OPCML: variants seen among roughly 807,000 people sequenced by gnomAD.
OPCML encodes opioid binding protein/cell adhesion molecule like, also known as opioid-binding protein/cell adhesion molecule.
Under a neutral mutation model 37.8 loss-of-function variants are expected in OPCML, and 13 were observed. The ratio of observed to expected loss-of-function variants is 0.34; its 90% CI spans 0.22 to 0.55. The LOEUF (loss-of-function observed/expected upper bound fraction) is 0.55. Among genes scored for constraint, OPCML ranks in the 20% least tolerant of loss-of-function variants. OPCML has a pLI of 0.91. For synonymous variants in OPCML, 176 were observed against 168.8 expected, an observed-to-expected ratio of 1.04 and a Z score of -0.33; for missense variants, 341 against 435.6, an observed-to-expected ratio of 0.78 and a Z score of 1.93.
chr11:133,431,194 A>G (rs955332797), intron 1 of OPCML, among the ~76,000 whole-genome samples: 1 of 152,224 alleles, frequency 6.6e-6, no homozygotes, highest in African/African-American at 2.4e-5. Context: ...ATATAATTAA[A>G]TGTTATTTAT....
At chr11:132,510,714 G>C (rs186924594) in intron 4 of OPCML, among the ~76,000 whole-genome samples, 3 of 152,266 alleles carry the variant, frequency 2.0e-5, no homozygotes. Flanking sequence ...ATGTGGAACT[G>C]TTAAGTCCAA....
chr11:133,166,528 T>A (rs1182206118), intron 1 of OPCML, among the ~76,000 whole-genome samples: 1 of 152,176 alleles, frequency 6.6e-6, no homozygotes, highest in African/African-American at 2.4e-5. Flanking sequence ...TTGGCATATG[T>A]TATGGGAACA....
chr11:132,861,831 T>C (rs1306523819), intron 2 of OPCML, among the ~76,000 whole-genome samples: 1 of 143,474 alleles, frequency 7.0e-6, no homozygotes, highest in Non-Finnish European at 1.5e-5. Context: ...TGAGACTCCA[T>C]CTCAAATAAA....
chr11:133,420,489 T>C, intron 1 of OPCML: 23 of 985,112 alleles, frequency 2.3e-5, no homozygotes, highest in Non-Finnish European at 2.8e-5. Flanking sequence ...TTAGGACTTT[T>C]ATTTTTTTTC....
At chr11:133,270,214 C>A (rs917253016) in intron 1 of OPCML, among the ~76,000 whole-genome samples, 1 of 152,142 alleles carries the variant, frequency 6.6e-6, no homozygotes, top group Non-Finnish European at 1.5e-5. Flanking sequence ...AGAGAGCAAA[C>A]CTATTCTCTG....
intron 1 of OPCML, among the ~76,000 whole-genome samples, chr11:133,339,093 G>A (rs1196170042): frequency 3.3e-5 from 5 of 151,944 alleles, no homozygotes; most frequent in Non-Finnish European, 7.4e-5. Flanking sequence ...TCCTACTCCC[G>A]CATTAAGCTA....
intron 1 of OPCML, among the ~76,000 whole-genome samples, chr11:132,993,324 C>T (rs758324388): frequency 2.0e-5 from 3 of 152,140 alleles, no homozygotes; most frequent in Non-Finnish European, 4.4e-5. Flanking sequence ...CCTCCCAGGG[C>T]GCCCTTTCTG....
Position 133,351,822 on chromosome 11 carries a change from A to C in OPCML, c.61+180442T>G, listed in dbSNP as rs376841947. Among the ~76,000 whole-genome samples, 569 of 152,146 alleles carry C rather than the reference A, an allele frequency of 3.7e-3. 2 individuals carry two copies. Among genetic ancestry groups the C allele is most frequent in the Middle Eastern group, 6.8e-3 (2 of 294 alleles). On this transcript the variant is annotated intron_variant, in intron 1 of 7. Transcript: ENST00000524381. ...AATTTCATGCCATGCCATACCCCCC[A>C]CACAAACAACTTTCAACCTTGAGAT...
chr11:132,557,778 G>T (rs2096399136), intron 3 of OPCML, among the ~76,000 whole-genome samples: 1 of 150,450 alleles, frequency 6.6e-6, no homozygotes, highest in African/African-American at 2.5e-5. Flanking sequence ...ATGAGAAGGT[G>T]ATAAGTACAC....
At chr11:132,835,480 C>G (rs1940953393) in intron 2 of OPCML, among the ~76,000 whole-genome samples, 1 of 152,232 alleles carries the variant, frequency 6.6e-6, no homozygotes, top group African/African-American at 2.4e-5. Context: ...GAACCAGAGT[C>G]TGTCTCTCCC....
chr11:133,157,017 T>C (rs1950071551), intron 1 of OPCML, among the ~76,000 whole-genome samples: 1 of 152,070 alleles, frequency 6.6e-6, no homozygotes, highest in Non-Finnish European at 1.5e-5. Flanking sequence ...AAGAAATGCA[T>C]CCTTACAGCC....
chr11:133,111,713 G>C (rs1429957395), intron 1 of OPCML, among the ~76,000 whole-genome samples: 4 of 152,188 alleles, frequency 2.6e-5, no homozygotes, highest in African/African-American at 9.6e-5. Flanking sequence ...TGGGCTCCCA[G>C]AAAATAAAGT....
At chr11:132,625,207 C>T (rs1453733936) in intron 3 of OPCML, among the ~76,000 whole-genome samples, 1 of 152,112 alleles carries the variant, frequency 6.6e-6, no homozygotes, top group Non-Finnish European at 1.5e-5. Flanking sequence ...TCTCCTGCCT[C>T]ACCTCCCTCC....
intron 1 of OPCML, among the ~76,000 whole-genome samples, chr11:133,525,527 C>T (rs1347786338): frequency 2.6e-5 from 4 of 152,084 alleles, no homozygotes; most frequent in Admixed American, 1.3e-4. Context: ...TTTTAGGCAA[C>T]GCGAAGATCA....
chr11:132,429,705 C>T (rs1301679295), intron 7 of OPCML, among the ~76,000 whole-genome samples: 2 of 152,170 alleles, frequency 1.3e-5, no homozygotes, highest in Non-Finnish European at 2.9e-5. Context: ...GCATAGGATT[C>T]CCTGGGAGAG....
chr11:133,025,562 T>A, intron 1 of OPCML: 1 of 657,894 alleles, frequency 1.5e-6, no homozygotes, highest in Non-Finnish European at 1.9e-6. Context: ...GTGGTTCGTT[T>A]GGGTATTTCT....
At chr11:133,359,890 G>C (rs893109783) in intron 1 of OPCML, 9 of 152,126 alleles carry the variant, frequency 5.9e-5, no homozygotes, top group African/African-American at 1.9e-4. Flanking sequence ...CCATTAAAAG[G>C]CTTTTATTTG....
chr11:133,423,531 G>C, intron 1 of OPCML: 1 of 965,730 alleles, frequency 1.0e-6, no homozygotes, highest in Non-Finnish European at 1.2e-6. Flanking sequence ...AAGTCCTAAC[G>C]AGAAGTCCTC....
At chr11:132,449,935 G>A (rs1286478865) in intron 4 of OPCML, among the ~76,000 whole-genome samples, 5 of 152,288 alleles carry the variant, frequency 3.3e-5, no homozygotes, top group Middle Eastern at 3.4e-3. Context: ...GACAGCACTC[G>A]ACATTTGATT....
Sources: gnomAD v4.1 joint callset for allele counts (sites outside exome capture counted in the v4.1 genomes callset) on GRCh38, gnomAD v4.1.1 for gene constraint, MANE v1.5 for transcripts, NCBI Gene and HGNC (gene_info 2026-07-23, HGNC 2026-07-21) for gene names.